Variants in LHFPL6 observed in about 807,000 individuals in gnomAD.
LHFPL6 encodes the protein LHFPL tetraspan subfamily member 6.
Under a neutral mutation model 20.6 loss-of-function variants are expected in LHFPL6, and 9 were observed. That is an observed-to-expected ratio of 0.44 (90% confidence interval 0.26 to 0.76). The LOEUF is 0.76. Among genes scored for constraint, LHFPL6 ranks in the 30% least tolerant of loss-of-function variants. LHFPL6 has a pLI of 0.20. For synonymous variants in LHFPL6, 105 were observed against 98.7 expected (o/e 1.06, Z -0.38); for missense variants, 218 against 253.5 (o/e 0.86, Z 0.95).
chr13:39,489,020 C>T (rs993827190), intron 2 of LHFPL6, among the ~76,000 whole-genome samples: 1 of 152,144 alleles, frequency 6.6e-6, no homozygotes, highest in Admixed American at 6.5e-5. Flanking sequence ...CGCTTTACTC[C>T]ACCTCACAAA....
At chr13:39,506,803 C>T (rs1869501415) in intron 2 of LHFPL6, among the ~76,000 whole-genome samples, 1 of 152,136 alleles carries the variant, frequency 6.6e-6, no homozygotes, top group East Asian at 1.9e-4. Context: ...ATAAAGCTAG[C>T]TTTTCTTTCA....
At chr13:39,556,393 A>G (rs1445500582) in intron 2 of LHFPL6, among the ~76,000 whole-genome samples, 1 of 152,142 alleles carries the variant, frequency 6.6e-6, no homozygotes, top group Non-Finnish European at 1.5e-5. Context: ...GAAATATGGA[A>G]AGTGAAGTCC....
At chr13:39,388,809 C>T (rs1235845536) in intron 2 of LHFPL6, among the ~76,000 whole-genome samples, 1 of 152,146 alleles carries the variant, frequency 6.6e-6, no homozygotes, top group African/African-American at 2.4e-5. Flanking sequence ...AAGTAGAATG[C>T]CATCCCCAGC....
At chr13:39,409,196 G>A (rs142965232) in intron 2 of LHFPL6, among the ~76,000 whole-genome samples, 228 of 152,284 alleles carry the variant, frequency 1.5e-3, no homozygotes, top group Middle Eastern at 6.8e-3. Context: ...GCTCACATCT[G>A]TAATCCCAGC....
At chr13:39,422,574 G>A (rs918523816) in intron 2 of LHFPL6, among the ~76,000 whole-genome samples, 7 of 86,822 alleles carry the variant, frequency 8.1e-5, no homozygotes, top group South Asian at 4.6e-4. Flanking sequence ...CAACAAGAGC[G>A]AAACTCCAAC....
chr13:39,562,417 C>CATATACATAT (rs1555268242), intron 2 of LHFPL6, among the ~76,000 whole-genome samples: 2,784 of 58,112 alleles, frequency 0.048, 342 homozygotes, highest in African/African-American at 0.13. Context: ...CACATATACA[C>CATATACATAT]ATATACATAT....
chr13:39,579,213 G>A (rs944980435), intron 2 of LHFPL6, among the ~76,000 whole-genome samples: 1 of 152,206 alleles, frequency 6.6e-6, no homozygotes, highest in Non-Finnish European at 1.5e-5. Flanking sequence ...AGGCTGCATA[G>A]GAGTGAGGCA....
At chr13:39,567,780 C>A (rs1019430145) in intron 2 of LHFPL6, among the ~76,000 whole-genome samples, 10 of 152,234 alleles carry the variant, frequency 6.6e-5, no homozygotes, top group Non-Finnish European at 1.3e-4. Flanking sequence ...AGGCTAAATG[C>A]TGCCCACAGC....
At chr13:39,532,276 G>T (rs9285136) in intron 2 of LHFPL6, among the ~76,000 whole-genome samples, 122,246 of 151,484 alleles carry the variant, frequency 0.81, 49,563 homozygotes, top group Middle Eastern at 0.87. Flanking sequence ...CCTACCAAAT[G>T]GAGTGGACAT....
At chr13:39,582,519 T>TG (rs767372238) in intron 2 of LHFPL6, among the ~76,000 whole-genome samples, 11 of 152,068 alleles carry the variant, frequency 7.2e-5, no homozygotes, top group Non-Finnish European at 1.6e-4. Context: ...CCGCAACCAA[T>TG]GGGAAGGCAT....
chr13:39,580,053 G>A (rs1290980143), intron 2 of LHFPL6, among the ~76,000 whole-genome samples: 1 of 152,058 alleles, frequency 6.6e-6, no homozygotes, highest in Non-Finnish European at 1.5e-5. Flanking sequence ...AAAGCAGCTG[G>A]CATTAGTTGA....
intron 2 of LHFPL6, among the ~76,000 whole-genome samples, chr13:39,562,327 AGTGT>A (rs535364499): frequency 2.8e-5 from 4 of 143,122 alleles, no homozygotes; most frequent in African/African-American, 1.0e-4. Context: ...CCATGTTCTG[AGTGT>A]GTGTGTGTGT....
chr13:39,493,636 T>C (rs1004248885), intron 2 of LHFPL6, among the ~76,000 whole-genome samples: 1 of 152,282 alleles, frequency 6.6e-6, no homozygotes, highest in Non-Finnish European at 1.5e-5. Flanking sequence ...ATACTAGCAA[T>C]GGTTGTCCTT....
At chr13:39,363,906 A>G (rs1869945291) in intron 3 of LHFPL6, among the ~76,000 whole-genome samples, 1 of 152,220 alleles carries the variant, frequency 6.6e-6, no homozygotes, top group South Asian at 2.1e-4. Flanking sequence ...ATTGGGACAT[A>G]TATTGCTTAA....
At chr13:39,591,035 T>A (rs1872575631) in intron 2 of LHFPL6, among the ~76,000 whole-genome samples, 1 of 152,170 alleles carries the variant, frequency 6.6e-6, no homozygotes, top group African/African-American at 2.4e-5. Flanking sequence ...CAAAAATAAA[T>A]AATTCTAGCG....
chr13:39,422,839 C>T (rs1871532292), intron 2 of LHFPL6, among the ~76,000 whole-genome samples: 2 of 152,074 alleles, frequency 1.3e-5, no homozygotes, highest in African/African-American at 4.8e-5. Flanking sequence ...TTAATTAACT[C>T]ACAGTTCCAT....
At chr13:39,424,274 T>A (rs1037450277) in intron 2 of LHFPL6, among the ~76,000 whole-genome samples, 1 of 152,154 alleles carries the variant, frequency 6.6e-6, no homozygotes, top group Non-Finnish European at 1.5e-5. Flanking sequence ...TAGATTTCCA[T>A]CTTAGGGTCT....
chr13:39,367,338 T>C (rs1870039579), intron 3 of LHFPL6, among the ~76,000 whole-genome samples: 1 of 152,168 alleles, frequency 6.6e-6, no homozygotes, highest in Non-Finnish European at 1.5e-5. Flanking sequence ...GTAACAATCC[T>C]GAACATGTAT....
Position 39,359,055 on chromosome 13 carries a change from G to A in LHFPL6, c.485-15001C>T, listed in dbSNP as rs572424102. Reference sequence around the variant, plus strand: ...CGGGCGCCTGTAATCCCAGCTACTCGGGAGGCTGAGGCAGGAGAATCACTT... The same window carrying A: ...CGGGCGCCTGTAATCCCAGCTACTCAGGAGGCTGAGGCAGGAGAATCACTT... On this transcript the variant is annotated intron_variant, in intron 3 of 3. Coordinates refer to ENST00000379589, the MANE Select transcript of LHFPL6 (RefSeq NM_005780.3). Among the ~76,000 whole-genome samples, 23 of 152,074 alleles carry A rather than the reference G, an allele frequency of 1.5e-4. No individual in the cohort carries two copies. In the East Asian group the frequency reaches 4.3e-3, roughly 28 times the overall value.
Sources: gnomAD v4.1 joint callset for allele counts (sites outside exome capture counted in the v4.1 genomes callset) on GRCh38, gnomAD v4.1.1 for gene constraint, MANE v1.5 for transcripts, NCBI Gene and HGNC (gene_info 2026-07-23, HGNC 2026-07-21) for gene names.